SPAG16: variants seen among roughly 807,000 people sequenced by gnomAD.
SPAG16 encodes sperm associated antigen 16.
SPAG16 carries 86 observed loss-of-function variants against 80.4 expected under a neutral mutation model. That is an observed-to-expected ratio of 1.07 (90% confidence interval 0.90 to 1.28). The LOEUF is 1.28. SPAG16 is among the 50% of genes most tolerant of loss of function. The probability of loss-of-function intolerance (pLI) is 0.00; values close to 1 mark genes in which losing one functional copy is unlikely to be tolerated. For synonymous variants in SPAG16, 294 were observed against 265.9 expected (o/e 1.11, Z -1.03); for missense variants, 870 against 765.3 (o/e 1.14, Z -1.61).
At chr2:213,965,090 GT>G (rs1350000870) in intron 12 of SPAG16, among the ~76,000 whole-genome samples, 2 of 152,132 alleles carry the variant, frequency 1.3e-5, no homozygotes, top group Non-Finnish European at 2.9e-5. Flanking sequence ...GGACTTGTTT[GT>G]TTATTTGTTT....
chr2:214,372,082 C>G (rs1240440333), intron 15 of SPAG16, among the ~76,000 whole-genome samples: 1 of 152,108 alleles, frequency 6.6e-6, no homozygotes, highest in Non-Finnish European at 1.5e-5. Flanking sequence ...TTGTTCTCTC[C>G]TATTGGGTCT....
intron 13 of SPAG16, among the ~76,000 whole-genome samples, chr2:214,075,795 T>C (rs2051046655): frequency 6.6e-6 from 1 of 152,196 alleles, no homozygotes; most frequent in African/African-American, 2.4e-5. Context: ...TATGACTTCA[T>C]GTGTTGTGCT....
rs1210948713 is a variant in SPAG16 at position 213,710,249 on chromosome 2, G to A, written c.1071-152236G>A. Among the ~76,000 whole-genome samples, 8 of 151,138 alleles carry A rather than the reference G, an allele frequency of 5.3e-5. No individual in the cohort carries two copies. The South Asian group carries it at 6.3e-4, about 12-fold the overall frequency. Reference sequence around the variant, plus strand: ...CAGTGAGCCGAGATCGCACCACTGCGCTCCAGCCTGGGTGACAAAGCAAAA... The same window carrying A: ...CAGTGAGCCGAGATCGCACCACTGCACTCCAGCCTGGGTGACAAAGCAAAA... On this transcript the variant is annotated intron_variant, in intron 10 of 15. Coordinates refer to ENST00000331683, the MANE Select transcript of SPAG16 (RefSeq NM_024532.5).
intron 9 of SPAG16, among the ~76,000 whole-genome samples, chr2:213,399,768 G>T (rs773480230): frequency 4.0e-5 from 6 of 151,732 alleles, no homozygotes; most frequent in Admixed American, 6.6e-5. Flanking sequence ...AAAACTAATT[G>T]GAACTGTTAT....
intron 15 of SPAG16, among the ~76,000 whole-genome samples, chr2:214,178,862 T>C (rs2057218489): frequency 1.3e-5 from 2 of 151,364 alleles, no homozygotes; most frequent in African/African-American, 4.8e-5. Context: ...TTATTATATA[T>C]AGTATGCATG....
At chr2:213,601,596 A>G (rs1231630345) in intron 10 of SPAG16, among the ~76,000 whole-genome samples, 1 of 151,282 alleles carries the variant, frequency 6.6e-6, no homozygotes, top group Non-Finnish European at 1.5e-5. Context: ...AACTCACCTT[A>G]AATCTGAAAT....
chr2:213,951,016 A>G (rs559911553), intron 12 of SPAG16, among the ~76,000 whole-genome samples: 1,955 of 109,434 alleles, frequency 0.018, 39 homozygotes, highest in African/African-American at 0.07. Context: ...CTAGCCTGAC[A>G]TAGTTTTTTT....
chr2:214,115,558 G>T (rs982124720), intron 14 of SPAG16, among the ~76,000 whole-genome samples: 1 of 152,094 alleles, frequency 6.6e-6, no homozygotes, highest in African/African-American at 2.4e-5. Flanking sequence ...CAGAAACAAG[G>T]GTAATGTCAG....
At chr2:214,334,632 C>G (rs777995404) in intron 15 of SPAG16, among the ~76,000 whole-genome samples, 7 of 152,154 alleles carry the variant, frequency 4.6e-5, no homozygotes, top group African/African-American at 9.7e-5. Flanking sequence ...TTTATTATCT[C>G]CAATGTATCC....
At chr2:214,142,915 T>C (rs2055436350) in intron 14 of SPAG16, among the ~76,000 whole-genome samples, 1 of 152,146 alleles carries the variant, frequency 6.6e-6, no homozygotes, top group Non-Finnish European at 1.5e-5. Context: ...ACCAGTCTGC[T>C]TCCAAACCCA....
At chr2:214,393,537 T>C (rs1175840051) in intron 15 of SPAG16, among the ~76,000 whole-genome samples, 1 of 151,620 alleles carries the variant, frequency 6.6e-6, no homozygotes, top group Non-Finnish European at 1.5e-5. Flanking sequence ...GCAAAATAAT[T>C]AAACTAAAAT....
At chr2:213,443,477 ATGAC>A (rs1413125626) in intron 9 of SPAG16, among the ~76,000 whole-genome samples, 1 of 152,186 alleles carries the variant, frequency 6.6e-6, no homozygotes, top group African/African-American at 2.4e-5. Context: ...GTTGTCATAA[ATGAC>A]TGATCTTTTT....
At chr2:213,598,041 G>A (rs2060941517) in intron 10 of SPAG16, among the ~76,000 whole-genome samples, 1 of 152,132 alleles carries the variant, frequency 6.6e-6, no homozygotes, top group African/African-American at 2.4e-5. Context: ...ACCTTTGCTA[G>A]CCAGGCTTCC....
chr2:214,183,549 A>G (rs892066639), intron 15 of SPAG16, among the ~76,000 whole-genome samples: 2 of 152,014 alleles, frequency 1.3e-5, no homozygotes, highest in Non-Finnish European at 2.9e-5. Flanking sequence ...TTCAATAAAG[A>G]AAGCAGAAGC....
At chr2:213,491,943 T>G (rs2074250036) in intron 10 of SPAG16, among the ~76,000 whole-genome samples, 1 of 152,222 alleles carries the variant, frequency 6.6e-6, no homozygotes, top group Admixed American at 6.5e-5. Flanking sequence ...GGAAAAATAA[T>G]CACTAGTCTC....
At chr2:213,426,754 GGTGT>G (rs148203065) in intron 9 of SPAG16, among the ~76,000 whole-genome samples, 40,794 of 140,336 alleles carry the variant, frequency 0.29, 6,049 homozygotes, top group Middle Eastern at 0.43. Context: ...GCATAAATCT[GGTGT>G]GTGTGTGTGT....
At chr2:213,949,202 G>GGCTC (rs112074057) in intron 12 of SPAG16, among the ~76,000 whole-genome samples, 2 of 116,716 alleles carry the variant, frequency 1.7e-5, no homozygotes, top group African/African-American at 6.4e-5. Flanking sequence ...TTGAGGTAGA[G>GGCTC]TCTCTGTCAC....
chr2:214,312,491 G>A (rs1424380780), intron 15 of SPAG16, among the ~76,000 whole-genome samples: 1 of 152,162 alleles, frequency 6.6e-6, no homozygotes, highest in East Asian at 1.9e-4. Context: ...TGAGCTGTGT[G>A]TATAGGGTTC....
rs148282194 is a variant in SPAG16, at chr2:214,329,769, T to TAAATC, written c.1721-80368_1721-80364dup. Among the ~76,000 whole-genome samples, 162 of 152,274 alleles carry TAAATC rather than the reference T, an allele frequency of 1.1e-3. 1 individual carries two copies. Among genetic ancestry groups the TAAATC allele is most frequent in the South Asian group, 1.7e-3 (8 of 4,824 alleles). Reference sequence around the variant, plus strand: ...TCCCAAGTACTTTCCCTAGAGTATATAAATCAATGCAACAGTACCCTGTAA... The same window carrying TAAATC: ...TCCCAAGTACTTTCCCTAGAGTATATAAATCAAATCAATGCAACAGTACCCTGTAA... On this transcript the variant is annotated intron_variant, in intron 15 of 15. Transcript: ENST00000331683.
Sources: allele counts gnomAD v4.1 joint callset (sites outside exome capture counted in the v4.1 genomes callset), GRCh38; gene constraint gnomAD v4.1.1; transcripts MANE v1.5; gene names NCBI Gene and HGNC (gene_info 2026-07-23, HGNC 2026-07-21).